The following EPC1 variants were observed in gnomAD, a reference collection of about 807,000 sequenced individuals.
EPC1 encodes the protein enhancer of polycomb homolog 1.
EPC1 carries 12 observed loss-of-function variants against 98.4 expected under a neutral mutation model. That is an observed-to-expected ratio of 0.12 (90% CI 0.08 to 0.20). EPC1 has a LOEUF of 0.20. Among genes scored for constraint, EPC1 ranks in the 10% least tolerant of loss-of-function variants. The probability of loss-of-function intolerance (pLI) is 1.00; values close to 1 mark genes in which losing one functional copy is unlikely to be tolerated. For missense variants in EPC1, 729 were observed against 990.5 expected (o/e 0.74, Z 3.54); for synonymous variants, 357 against 363.9 (o/e 0.98, Z 0.21).
At chr10:32,343,449 G>A (rs1838507845) in intron 1 of EPC1, among the ~76,000 whole-genome samples, 1 of 152,200 alleles carries the variant, frequency 6.6e-6, no homozygotes, top group Non-Finnish European at 1.5e-5. Flanking sequence ...GACCTCAGGT[G>A]ATCCACCCGC....
At position 32,269,107 on chromosome 10, in the gene EPC1, G is replaced by A. The variant is rs2132624426; in HGVS notation, c.2398C>T (p.Leu800=). The A allele has an allele frequency of 1.9e-6, 3 of 1,613,968 alleles. No homozygotes were observed. The highest frequency in any genetic ancestry group is 1.7e-6 in the Non-Finnish European group (2 of 1,179,926). Residue 800 remains leucine (L), a synonymous_variant, in exon 14 of 14, where the codon CTG becomes TTG. Transcript: ENST00000319778. ...RENHESEKPA[L]NNIADNTVAM... ...ACTGTGTTGTCTGCTATGTTGTTCA[G>A]TGCTGGCTTTTCTGATTCATGATTT...
At chr10:32,310,559 T>A (rs1233242160) in intron 1 of EPC1, among the ~76,000 whole-genome samples, 4 of 152,242 alleles carry the variant, frequency 2.6e-5, no homozygotes, top group African/African-American at 9.6e-5. Context: ...CAAAATTTTG[T>A]GTATCAATAT....
chr10:32,322,489 T>C (rs926323876), intron 1 of EPC1, among the ~76,000 whole-genome samples: 5 of 152,092 alleles, frequency 3.3e-5, no homozygotes, highest in East Asian at 1.9e-4. Context: ...ACTAAATAGG[T>C]TGAAACAAAG....
rs944762120 is a variant in EPC1 at position 32,343,702 on chromosome 10, G to GA, written c.153+3060_153+3061insT. 1.7e-4 allele frequency among the ~76,000 whole-genome samples: 25 copies of GA among 150,596 alleles called. 1 individual carries two copies. Among genetic ancestry groups the GA allele is most frequent in the African/African-American group, 6.1e-4 (25 of 40,866 alleles). On this transcript the variant is annotated intron_variant, in intron 1 of 13. Coordinates refer to ENST00000319778, the MANE Select transcript of EPC1 (RefSeq NM_001272004.3). ...CTGCCTCCAAATTATTTTGGGGGGG[G>GA]GGTGTAAGGGCTTCTACTTAAAGTT...
intron 6 of EPC1, among the ~76,000 whole-genome samples, chr10:32,287,782 AAT>A (rs1836767708): frequency 2.0e-5 from 3 of 152,324 alleles, no homozygotes; most frequent in African/African-American, 7.2e-5. Flanking sequence ...GGGTTATACA[AAT>A]AAAGAGTAGT....
intron 1 of EPC1, among the ~76,000 whole-genome samples, chr10:32,332,999 A>G (rs1207894726): frequency 6.6e-6 from 1 of 152,196 alleles, no homozygotes; most frequent in Non-Finnish European, 1.5e-5. Context: ...TATCCTTCCT[A>G]GGAAGGGGCA....
At chr10:32,287,493 A>G (rs911087202) in intron 6 of EPC1, among the ~76,000 whole-genome samples, 1 of 152,198 alleles carries the variant, frequency 6.6e-6, no homozygotes, top group African/African-American at 2.4e-5. Flanking sequence ...ATAATCACAC[A>G]AATGATTCTG....
At chr10:32,325,919 CAG>C (rs1210387302) in intron 1 of EPC1, among the ~76,000 whole-genome samples, 1 of 152,072 alleles carries the variant, frequency 6.6e-6, no homozygotes, top group Non-Finnish European at 1.5e-5. Context: ...GTATGCCTTC[CAG>C]TAAGTAAATG....
At chr10:32,371,599 A>T (rs117805059) in intron 1 of EPC1, among the ~76,000 whole-genome samples, 2,408 of 152,336 alleles carry the variant, frequency 0.016, 23 homozygotes, top group South Asian at 0.027. Flanking sequence ...ATGCTAAAGC[A>T]TAAGGAGAAT....
At chr10:32,269,164 T>A (rs771434930) in intron 13 of EPC1, 29 bp from the exon 14 acceptor site, 2 of 1,570,698 alleles carry the variant, frequency 1.3e-6, no homozygotes, top group Non-Finnish European at 1.7e-6. Flanking sequence ...ATCAATTACT[T>A]ATCTACAACA....
At chr10:32,367,007 AT>A (rs771571538) in intron 1 of EPC1, among the ~76,000 whole-genome samples, 1 of 143,800 alleles carries the variant, frequency 7.0e-6, no homozygotes, top group Non-Finnish European at 1.5e-5. Flanking sequence ...TGTATTTTTA[AT>A]TTTTTGAGAA....
At chr10:32,274,726 ATTT>A (rs1835996236) in intron 10 of EPC1, among the ~76,000 whole-genome samples, 1 of 152,164 alleles carries the variant, frequency 6.6e-6, no homozygotes, top group East Asian at 1.9e-4. Context: ...TGTAGAAAAG[ATTT>A]TTATTGATAA....
intron 11 of EPC1, 36 bp from the exon 12 acceptor site, chr10:32,272,203 C>T (rs376534042): frequency 5.7e-5 from 87 of 1,537,644 alleles, no homozygotes; most frequent in Non-Finnish European, 7.2e-5. Context: ...TAATCAGTAT[C>T]ACTTAGTATC....
chr10:32,309,507 T>C (rs1441848442), intron 1 of EPC1, among the ~76,000 whole-genome samples: 13 of 147,816 alleles, frequency 8.8e-5, no homozygotes, highest in Admixed American at 1.4e-4. Flanking sequence ...TTTTTTTTTT[T>C]CTTTTCCCAT....
At chr10:32,334,044 G>A (rs1837802335) in intron 1 of EPC1, among the ~76,000 whole-genome samples, 1 of 152,196 alleles carries the variant, frequency 6.6e-6, no homozygotes, top group African/African-American at 2.4e-5. Context: ...CCTTTCATGG[G>A]GAAAGGCGAC....
intron 2 of EPC1, among the ~76,000 whole-genome samples, chr10:32,295,290 G>T (rs1835086547): frequency 6.6e-6 from 1 of 152,114 alleles, no homozygotes; most frequent in Admixed American, 6.5e-5. Flanking sequence ...AGACATTAAA[G>T]TCTGTGATGG....
At chr10:32,341,480 T>C (rs561653777) in intron 1 of EPC1, among the ~76,000 whole-genome samples, 2 of 152,218 alleles carry the variant, frequency 1.3e-5, no homozygotes, top group Non-Finnish European at 2.9e-5. Context: ...TGAACCTTTA[T>C]GCAGAATTTT....
chr10:32,275,602 C>CA (rs78892953), intron 10 of EPC1, among the ~76,000 whole-genome samples: 38 of 141,404 alleles, frequency 2.7e-4, no homozygotes, highest in African/African-American at 4.7e-4. Context: ...CCATCTCTAC[C>CA]AAAAAAAAAA....
intron 1 of EPC1, among the ~76,000 whole-genome samples, chr10:32,334,041 T>C (rs546917989): frequency 1.3e-5 from 2 of 152,314 alleles, no homozygotes; most frequent in South Asian, 2.1e-4. Context: ...CTACCTTTCA[T>C]GGGGAAAGGC....
Sources: allele counts gnomAD v4.1 joint callset (sites outside exome capture counted in the v4.1 genomes callset), GRCh38; gene constraint gnomAD v4.1.1; transcripts MANE v1.5; gene names NCBI Gene and HGNC (gene_info 2026-07-23, HGNC 2026-07-21).